The following MLLT1 variants were observed in gnomAD, a reference collection of about 807,000 sequenced individuals.
MLLT1 encodes the protein MLLT1 super elongation complex subunit, also known as protein ENL.
In MLLT1, 11 loss-of-function variants were observed where a neutral mutation model predicts 55.1. The observed-to-expected ratio is 0.20, with a 90% CI of 0.13 to 0.33. The LOEUF is 0.33. Among genes scored for constraint, MLLT1 ranks in the 10% least tolerant of loss-of-function variants. The pLI, the probability that MLLT1 is intolerant of heterozygous loss-of-function variation, is 1.00. For synonymous variants in MLLT1, 323 were observed against 320.1 expected (o/e 1.01, Z -0.10); for missense variants, 536 against 760.6 (o/e 0.70, Z 3.47).
intron 3 of MLLT1, among the ~76,000 whole-genome samples, chr19:6,260,211 C>T (rs1295818517): frequency 6.6e-6 from 1 of 152,124 alleles, no homozygotes; most frequent in Non-Finnish European, 1.5e-5. Context: ...GGGGAGGATG[C>T]TGGGCCCAGT....
rs373273964 is a variant in MLLT1, at chr19:6,211,937, G to A, written c.*1105C>T. 46 of 1,065,434 alleles carry A rather than the reference G, an allele frequency of 4.3e-5. No individual in the cohort carries two copies. In the African/African-American group the frequency reaches 5.6e-4, roughly 13 times the overall value. 66.0% of individuals were successfully genotyped at this position (1,065,434 alleles called of 1,614,324 possible). ...CCGCGACCAGAGAGAAAGGCAGCCTGGGAGGGCCAGCCCGGCCAACCCACC... is the reference window on the plus strand; with the variant it reads ...CCGCGACCAGAGAGAAAGGCAGCCTAGGAGGGCCAGCCCGGCCAACCCACC... On this transcript the variant is annotated 3_prime_UTR_variant, in exon 12 of 12. Coordinates refer to ENST00000252674, the MANE Select transcript of MLLT1 (RefSeq NM_005934.4). This position sits in a 1 kb window ranked among gnomAD's most constrained non-coding sequence, Gnocchi z 4.6.
Position 6,226,218 on chromosome 19 carries a change from C to T in MLLT1, c.546+759G>A, listed in dbSNP as rs2090955452. ...GACCGGTGGAGAGATGTGTGGGTGG[C>T]AGGCACCGGGCAGCTGCCCCGAGGG... On this transcript the variant is annotated intron_variant, in intron 5 of 11. Transcript: ENST00000252674. The surrounding 1 kb of genome is among the most constrained non-coding windows in gnomAD (Gnocchi z 6.3). 6.6e-6 allele frequency among the ~76,000 whole-genome samples: 1 copy of T among 152,346 alleles called. No homozygotes were observed. Among genetic ancestry groups the T allele is most frequent in the East Asian group, 1.9e-4 (1 of 5,188 alleles).
intron 3 of MLLT1, among the ~76,000 whole-genome samples, chr19:6,252,993 G>A (rs2091230122): frequency 1.3e-5 from 2 of 152,070 alleles, no homozygotes; most frequent in South Asian, 4.1e-4. Flanking sequence ...GCTGGGCATG[G>A]TGGCTCACGA....
chr19:6,246,771 C>T (rs920120106), intron 3 of MLLT1, among the ~76,000 whole-genome samples: 7 of 152,102 alleles, frequency 4.6e-5, no homozygotes, highest in South Asian at 2.1e-4. Context: ...AACTAATAAC[C>T]GGATGGGCAG....
chr19:6,241,127 G>A (rs1244658723), intron 3 of MLLT1, among the ~76,000 whole-genome samples: 1 of 152,222 alleles, frequency 6.6e-6, no homozygotes, highest in Non-Finnish European at 1.5e-5. Context: ...GAGAGCAGCT[G>A]AGCTGAGACC....
chr19:6,241,080 G>A (rs1262796415), intron 3 of MLLT1, among the ~76,000 whole-genome samples: 2 of 152,226 alleles, frequency 1.3e-5, no homozygotes, highest in African/African-American at 2.4e-5. Context: ...TCCCCAAGAT[G>A]AGCCCATGAA....
At chr19:6,247,350 G>A (rs2091178207) in intron 3 of MLLT1, among the ~76,000 whole-genome samples, 1 of 152,104 alleles carries the variant, frequency 6.6e-6, no homozygotes, top group African/African-American at 2.4e-5. Flanking sequence ...TCTAGGGCTG[G>A]GGCAGGGAAA....
chr19:6,251,799 G>A (rs2091217214), intron 3 of MLLT1, among the ~76,000 whole-genome samples: 2 of 151,344 alleles, frequency 1.3e-5, no homozygotes, highest in Non-Finnish European at 1.5e-5. Context: ...AAGAATGAAC[G>A]AATGAATAGC....
rs1162156662 is a variant in MLLT1, at chr19:6,210,428, T to C, written c.*2614A>G. 1 of 189,112 alleles carries C rather than the reference T, an allele frequency of 5.3e-6. No individual in the cohort carries two copies. The highest frequency in any genetic ancestry group is 8.5e-5 in the East Asian group (1 of 11,786). The allele number at this position is 189,112 out of a possible 1,614,324, so 11.7% of individuals were successfully genotyped here. On this transcript the variant is annotated 3_prime_UTR_variant, in exon 12 of 12. Coordinates refer to ENST00000252674, the MANE Select transcript of MLLT1 (RefSeq NM_005934.4). The surrounding 1 kb of genome is among the most constrained non-coding windows in gnomAD (Gnocchi z 4.6). Reference sequence around the variant, plus strand: ...TCACTTTTTTTTTCTATAAAACTCCTCCATAATTTCACAATTTAACAAAAG... The same window carrying C: ...TCACTTTTTTTTTCTATAAAACTCCCCCATAATTTCACAATTTAACAAAAG...
intron 3 of MLLT1, among the ~76,000 whole-genome samples, chr19:6,238,477 C>T (rs943000680): frequency 8.5e-5 from 13 of 152,212 alleles, no homozygotes; most frequent in South Asian, 2.1e-4. Flanking sequence ...TGCAGGCTGG[C>T]GGCTGTGGGA....
intron 6 of MLLT1, among the ~76,000 whole-genome samples, chr19:6,220,474 C>T (rs1305729597): frequency 6.6e-6 from 1 of 152,252 alleles, no homozygotes; most frequent in Admixed American, 6.5e-5. Flanking sequence ...GCCTCAAGGC[C>T]ACCCAGCCAC....
rs2090842917 is a variant in MLLT1 at position 6,216,327 on chromosome 19, G to A, written c.1307+78C>T. On this transcript the variant is annotated intron_variant, in intron 8 of 11. Coordinates refer to ENST00000252674, the MANE Select transcript of MLLT1 (RefSeq NM_005934.4). ...CCCTCCAGTCCCAACCCCACCTGCA[G>A]CCCCACAATCACTGCAGACCCAGCC... is the stretch of plus-strand genomic sequence containing the variant. 4 of 1,067,722 alleles carry A rather than the reference G, an allele frequency of 3.7e-6. No homozygotes were observed. The Admixed American group carries it at 6.1e-5, about 16-fold the overall frequency. The allele number at this position is 1,067,722 out of a possible 1,614,324, so 66.1% of individuals were successfully genotyped here.
chr19:6,275,947 G>C (rs1023408530), intron 1 of MLLT1, among the ~76,000 whole-genome samples: 2 of 152,204 alleles, frequency 1.3e-5, no homozygotes, highest in African/African-American at 4.8e-5. Flanking sequence ...CGTTCTCCAG[G>C]GGGGAGGGGG....
chr19:6,260,795 A>G (rs2144937972), intron 3 of MLLT1, among the ~76,000 whole-genome samples: 1 of 152,348 alleles, frequency 6.6e-6, no homozygotes, highest in South Asian at 2.1e-4. Flanking sequence ...ACAGTGAGCT[A>G]TGATTGCACC....
At chr19:6,247,228 C>T (rs2091177124) in intron 3 of MLLT1, among the ~76,000 whole-genome samples, 2 of 152,138 alleles carry the variant, frequency 1.3e-5, no homozygotes, top group South Asian at 2.1e-4. Context: ...TATGAGAGAA[C>T]CTAAACGCAG....
chr19:6,238,400 T>G (rs985867518), intron 3 of MLLT1, among the ~76,000 whole-genome samples: 1 of 152,222 alleles, frequency 6.6e-6, no homozygotes, highest in Non-Finnish European at 1.5e-5. Context: ...ATTAGCAGAT[T>G]AGTAGACGTG....
At position 6,235,393 on chromosome 19, in the gene MLLT1, G is replaced by A. The variant is rs2144886993; in HGVS notation, c.277-4680C>T. On this transcript the variant is annotated intron_variant, in intron 3 of 11. Coordinates refer to ENST00000252674, the MANE Select transcript of MLLT1 (RefSeq NM_005934.4). This position sits in a 1 kb window ranked among gnomAD's most constrained non-coding sequence, Gnocchi z 5.5. The stretch of plus-strand genomic sequence containing the variant: ...GCAGCATGGGGGGATTCGCTGCAAT[G>A]CCACAGCCACAGTGCTCAGCACCCT... 6.6e-6 allele frequency among the ~76,000 whole-genome samples: 1 copy of A among 152,292 alleles called. No individual in the cohort carries two copies. The highest frequency in any genetic ancestry group is 1.5e-5 in the Non-Finnish European group (1 of 68,004).
At chr19:6,250,026 A>C (rs1290953854) in intron 3 of MLLT1, among the ~76,000 whole-genome samples, 2 of 152,208 alleles carry the variant, frequency 1.3e-5, no homozygotes, top group Non-Finnish European at 2.9e-5. Flanking sequence ...GTTTCAAAAA[A>C]AAACAAAAAC....
chr19:6,262,402 C>T lies in MLLT1; in HGVS notation c.194-92G>A. 1.9e-6 allele frequency: 2 copies of T among 1,070,822 alleles called. No individual in the cohort carries two copies. The highest frequency in any genetic ancestry group is 2.8e-6 in the Non-Finnish European group (2 of 715,778). 66.3% of individuals were successfully genotyped at this position (1,070,822 alleles called of 1,614,324 possible). A position where few individuals can be genotyped will look rare whatever the true frequency, so the allele number is the denominator to read the frequency against. On this transcript the variant is annotated intron_variant, in intron 2 of 11. Transcript: ENST00000252674. The surrounding 1 kb of genome is among the most constrained non-coding windows in gnomAD (Gnocchi z 4.4). ...AGTACCGCACCCCTCAACCCCACCA[C>T]CTCCTCACAGGGGCTTGGCTGGCCT...
Sources: allele counts gnomAD v4.1 joint callset (sites outside exome capture counted in the v4.1 genomes callset), GRCh38; gene constraint gnomAD v4.1.1; non-coding constraint Gnocchi (gnomAD v3.1); transcripts MANE v1.5; gene names NCBI Gene and HGNC (gene_info 2026-07-23, HGNC 2026-07-21).